The following XKR5 variants were observed in gnomAD, a reference collection of about 807,000 sequenced individuals.
The protein encoded by XKR5 is XK related 5, also known as XK-related protein 5.
XKR5 carries 46 observed loss-of-function variants against 40.8 expected under a neutral mutation model. That is an observed-to-expected ratio of 1.13 (90% CI 0.89 to 1.44). The LOEUF (loss-of-function observed/expected upper bound fraction) is 1.44, where lower values mean the gene tolerates loss of function less well. Ranked by LOEUF, XKR5 falls within the 40% of genes most tolerant of loss-of-function variation. The pLI is 0.00. For synonymous variants in XKR5, 466 were observed against 356.1 expected, an observed-to-expected ratio of 1.31 and a Z score of -3.48; for missense variants, 1,169 against 844.7, an observed-to-expected ratio of 1.38 and a Z score of -4.76.
intron 1 of XKR5, among the ~76,000 whole-genome samples, chr8:6,833,393 T>C (rs1265584178): frequency 2.0e-4 from 31 of 152,254 alleles, no homozygotes; most frequent in Non-Finnish European, 1.2e-4. Context: ...TCCTAGGACC[T>C]GTGAGTACAG....
intron 2 of XKR5, among the ~76,000 whole-genome samples, chr8:6,831,753 C>A (rs530739193): frequency 6.6e-6 from 1 of 152,144 alleles, no homozygotes; most frequent in Non-Finnish European, 1.5e-5. Context: ...CAGTGGCTCA[C>A]GCCTGTAATC....
intron 5 of XKR5, 30 bp from the exon 6 acceptor site, chr8:6,815,948 C>T (rs199972135): frequency 1.0e-5 from 16 of 1,524,268 alleles, no homozygotes; most frequent in Non-Finnish European, 1.4e-5. Context: ...GGCACCACAC[C>T]TCGTCAGGTG....
chr8:6,818,877 C>A (rs543535684), intron 5 of XKR5, among the ~76,000 whole-genome samples: 2 of 152,076 alleles, frequency 1.3e-5, no homozygotes, highest in Admixed American at 6.5e-5. Flanking sequence ...AAAGGCCCTA[C>A]GAAAAAGTAT....
chr8:6,831,567 G>C (rs924036016), intron 2 of XKR5, among the ~76,000 whole-genome samples: 3 of 152,192 alleles, frequency 2.0e-5, no homozygotes, highest in African/African-American at 7.2e-5. Flanking sequence ...TCCGGAGAAA[G>C]TCTTGGGAAT....
intron 6 of XKR5, 46 bp downstream of exon 6, chr8:6,815,760 AT>A (rs764336415): frequency 1.5e-6 from 2 of 1,350,202 alleles, no homozygotes; most frequent in Non-Finnish European, 1.0e-6. Flanking sequence ...AAAAAAAAAA[AT>A]ACGTTGGGGA....
intron 6 of XKR5, among the ~76,000 whole-genome samples, chr8:6,815,396 C>T (rs1803909800): frequency 6.6e-6 from 1 of 152,130 alleles, no homozygotes; most frequent in African/African-American, 2.4e-5. Context: ...CTCTGTGCCT[C>T]ACCTTCCTCT....
At chr8:6,831,961 G>C (rs931696225) in intron 2 of XKR5, among the ~76,000 whole-genome samples, 1 of 137,654 alleles carries the variant, frequency 7.3e-6, no homozygotes, top group Admixed American at 8.1e-5. Context: ...GTTGCAGTGA[G>C]CCAAGATCAC....
intron 5 of XKR5, among the ~76,000 whole-genome samples, chr8:6,818,835 C>G (rs1437348549): frequency 6.6e-6 from 1 of 152,218 alleles, no homozygotes; most frequent in Non-Finnish European, 1.5e-5. Flanking sequence ...GCAGAAACCT[C>G]TGAACCACTG....
intron 2 of XKR5, among the ~76,000 whole-genome samples, chr8:6,828,757 G>A (rs1416463623): frequency 1.3e-5 from 2 of 152,150 alleles, no homozygotes; most frequent in African/African-American, 2.4e-5. Flanking sequence ...CTGTCTACAG[G>A]CTCATTTGCC....
chr8:6,831,471 T>C (rs931635303), intron 2 of XKR5, among the ~76,000 whole-genome samples: 1 of 152,182 alleles, frequency 6.6e-6, no homozygotes, highest in Non-Finnish European at 1.5e-5. Flanking sequence ...CTCTACCTCC[T>C]AGCTGAGATT....
chr8:6,825,679 G>T (rs767632280), intron 2 of XKR5, among the ~76,000 whole-genome samples: 5 of 151,984 alleles, frequency 3.3e-5, no homozygotes, highest in Non-Finnish European at 7.4e-5. Flanking sequence ...CAATCACCCC[G>T]ACCTGAGTCC....
chr8:6,815,202 C>T (rs550679706), intron 6 of XKR5, among the ~76,000 whole-genome samples: 1 of 152,184 alleles, frequency 6.6e-6, no homozygotes, highest in Non-Finnish European at 1.5e-5. Context: ...GGAATCCCTG[C>T]GGAACTCATG....
Position 6,823,555 on chromosome 8 carries a change from G to A in XKR5, c.603C>T (p.Tyr201=), listed in dbSNP as rs372996884. The change falls in exon 4 of 7, where the codon TAC becomes TAT. Residue 201 remains tyrosine, a synonymous_variant. Coordinates refer to ENST00000618742, the MANE Select transcript of XKR5 (RefSeq NM_207411.5). The stretch of plus-strand genomic sequence containing the variant: ...CAAAAACCCAAAAGTGGTAGGCTTT[G>A]TAGAACAGAACCAGACTCAGCACGC... ...GTRVLSLVLF[Y]KAYHFWVFVV... The A allele has an allele frequency of 6.3e-5, 101 of 1,595,532 alleles. No individual in the cohort carries two copies. The highest frequency in any genetic ancestry group is 1.7e-4 in the Admixed American group (10 of 57,190).
chr8:6,831,081 G>C (rs1443958633), intron 2 of XKR5, among the ~76,000 whole-genome samples: 3 of 152,192 alleles, frequency 2.0e-5, no homozygotes, highest in African/African-American at 7.2e-5. Context: ...GCTCATGGTA[G>C]CTGACTCACT....
In XKR5 at chr8:6,823,538, C is replaced by A; in HGVS notation, c.620G>T (p.Trp207Leu). The A allele has an allele frequency of 6.3e-7, 1 of 1,590,228 alleles. No homozygotes were observed. The highest frequency in any genetic ancestry group is 2.3e-5 in the East Asian group (1 of 43,834). Residue 207 changes from tryptophan to leucine, a missense_variant, in exon 4 of 7, where the codon TGG becomes TTG. Transcript: ENST00000618742. ...CAGCTCACCTGCAACCACAAAAACC[C>A]AAAAGTGGTAGGCTTTGTAGAACAG... Reference protein sequence around the residue: ...LVLFYKAYHFWVFVVAGAHWL... With the variant: ...LVLFYKAYHFLVFVVAGAHWL...
intron 6 of XKR5, 94 bp from the exon 7 acceptor site, chr8:6,812,433 A>T (rs1474234183): frequency 7.6e-7 from 1 of 1,318,578 alleles, no homozygotes; most frequent in Non-Finnish European, 1.0e-6. Flanking sequence ...TTTTGTGTAG[A>T]GGAAGATAAT....
chr8:6,820,478 A>T (rs1328845696), intron 5 of XKR5, among the ~76,000 whole-genome samples: 1 of 152,242 alleles, frequency 6.6e-6, no homozygotes, highest in Non-Finnish European at 1.5e-5. Context: ...ACAAGGTGGC[A>T]GGTGTCAAAC....
At chr8:6,829,897 A>G (rs1804680480) in intron 2 of XKR5, among the ~76,000 whole-genome samples, 4 of 121,534 alleles carry the variant, frequency 3.3e-5, no homozygotes, top group Non-Finnish European at 6.3e-5. Flanking sequence ...GAGTCCAGTG[A>G]TGCAATCTCG....
At chr8:6,833,584 G>A (rs373321596) in intron 1 of XKR5, among the ~76,000 whole-genome samples, 14 of 152,306 alleles carry the variant, frequency 9.2e-5, no homozygotes, top group Middle Eastern at 3.4e-3. Context: ...TTTGCTGGCT[G>A]CGTGCCTGTA....
Sources: gnomAD v4.1 joint callset for allele counts (sites outside exome capture counted in the v4.1 genomes callset) on GRCh38, gnomAD v4.1.1 for gene constraint, MANE v1.5 for transcripts, NCBI Gene and HGNC (gene_info 2026-07-23, HGNC 2026-07-21) for gene names.